Variants in RPS6KC1 observed in about 807,000 individuals in gnomAD.
RPS6KC1 encodes ribosomal protein S6 kinase C1, also known as inactive ribosomal protein S6 kinase delta-1.
A neutral mutation model predicts 103.8 loss-of-function variants in RPS6KC1; 54 were observed. The observed-to-expected ratio is 0.52, with a 90% CI of 0.42 to 0.65. The LOEUF (loss-of-function observed/expected upper bound fraction) is 0.65, where lower values mean the gene tolerates loss of function less well. Among genes scored for constraint, RPS6KC1 ranks in the 30% least tolerant of loss-of-function variants. RPS6KC1 has a pLI of 0.00. For synonymous variants in RPS6KC1, 439 were observed against 438.7 expected (o/e 1.00, Z -0.01); for missense variants, 1,151 against 1,253.8 (o/e 0.92, Z 1.24).
At chr1:213,535,287 A>G in the RPS6KC1 span, among the ~76,000 whole-genome samples, 4 of 152,232 alleles carry the variant, frequency 2.6e-5, no homozygotes, top group Admixed American at 6.5e-5. Flanking sequence ...GAAGGCAAAT[A>G]TTGCCAACCA....
At chr1:213,336,374 A>C in the RPS6KC1 span, among the ~76,000 whole-genome samples, 2 of 152,216 alleles carry the variant, frequency 1.3e-5, no homozygotes, top group Non-Finnish European at 2.9e-5. Flanking sequence ...CCGACATTGC[A>C]CAGGTCCCAA....
the RPS6KC1 span, among the ~76,000 whole-genome samples, chr1:213,294,117 G>C: frequency 0.31 from 46,527 of 152,122 alleles, 7,275 homozygotes; most frequent in Middle Eastern, 0.4. Context: ...CCTTGAGAGA[G>C]TGCTCTGCCT....
At chr1:213,700,514 T>G in the RPS6KC1 span, among the ~76,000 whole-genome samples, 4 of 152,148 alleles carry the variant, frequency 2.6e-5, no homozygotes, top group Non-Finnish European at 5.9e-5. Context: ...TTTGTTTTGC[T>G]TAAGATGACT....
At chr1:213,826,996 G>A in the RPS6KC1 span, among the ~76,000 whole-genome samples, 5 of 152,192 alleles carry the variant, frequency 3.3e-5, no homozygotes, top group South Asian at 2.1e-4. Context: ...TTTCCACTCC[G>A]CAGACTCTTT....
chr1:213,410,318 G>A, the RPS6KC1 span, among the ~76,000 whole-genome samples: 2 of 152,146 alleles, frequency 1.3e-5, no homozygotes, highest in East Asian at 1.9e-4. Flanking sequence ...AGGTGGAAGG[G>A]TCTGCCTCAG....
At chr1:213,472,019 G>A in the RPS6KC1 span, among the ~76,000 whole-genome samples, 2 of 152,234 alleles carry the variant, frequency 1.3e-5, no homozygotes, top group African/African-American at 2.4e-5. Flanking sequence ...GGTCAGCAGC[G>A]GCATCTCAGA....
intron 6 of RPS6KC1, among the ~76,000 whole-genome samples, chr1:213,155,363 A>C (rs918026902): frequency 6.6e-6 from 1 of 152,146 alleles, no homozygotes; most frequent in African/African-American, 2.4e-5. Context: ...AATGCCTTTC[A>C]AATTTACTTG....
At chr1:213,362,253 T>G in the RPS6KC1 span, among the ~76,000 whole-genome samples, 1 of 152,200 alleles carries the variant, frequency 6.6e-6, no homozygotes, top group Non-Finnish European at 1.5e-5. Context: ...ATTTATGCTA[T>G]GCTTGGAAGA....
At chr1:213,177,640 C>T (rs528544555) in intron 8 of RPS6KC1, among the ~76,000 whole-genome samples, 156 of 151,962 alleles carry the variant, frequency 1.0e-3, no homozygotes, top group Non-Finnish European at 2.1e-3. Context: ...TTTTTAAGAG[C>T]CTGAAATATT....
chr1:213,363,604 CGCTTGCTTGCTTGCTT>C, the RPS6KC1 span, among the ~76,000 whole-genome samples: 44 of 85,166 alleles, frequency 5.2e-4, 5 homozygotes, highest in Middle Eastern at 0.012. Flanking sequence ...CTTGCTCGCT[CGCTTGCTTGCTTGCTT>C]GCTTGCTTTC....
rs35374161 is a variant in RPS6KC1 at position 213,140,847 on chromosome 1, AT to A, written c.835+10974del. Among the ~76,000 whole-genome samples the A allele has an allele frequency of 5.6e-3, 740 of 132,490 alleles. 5 individuals carry two copies. Among genetic ancestry groups the A allele is most frequent in the Admixed American group, 0.011 (141 of 12,806 alleles). The allele number at this position is 132,490 out of a possible 152,430, so 86.9% of individuals were successfully genotyped here. A position where few individuals can be genotyped will look rare whatever the true frequency, so the allele number is the denominator to read the frequency against. On this transcript the variant is annotated intron_variant, in intron 6 of 14. Transcript: ENST00000366960. ...CATAGAATGAGGGAGGAATCCCTTG[AT>A]TTTTTTTTTTTTTTTGAATAGTTTC...
the RPS6KC1 span, among the ~76,000 whole-genome samples, chr1:213,491,386 T>A: frequency 1.3e-5 from 2 of 152,160 alleles, no homozygotes; most frequent in African/African-American, 4.8e-5. Context: ...CATTTCTACC[T>A]AAAATCCAAA....
At chr1:213,091,558 G>C (rs2080969484) in intron 3 of RPS6KC1, among the ~76,000 whole-genome samples, 1 of 152,158 alleles carries the variant, frequency 6.6e-6, no homozygotes. Context: ...GCATGAGTTT[G>C]TAACACCATG....
chr1:213,599,241 A>G, the RPS6KC1 span, among the ~76,000 whole-genome samples: 1 of 152,188 alleles, frequency 6.6e-6, no homozygotes, highest in Non-Finnish European at 1.5e-5. Flanking sequence ...GGTGATCAAT[A>G]AGGCAGATAA....
downstream of RPS6KC1, among the ~76,000 whole-genome samples, chr1:213,277,978 T>G (rs1573772157): frequency 6.6e-6 from 1 of 151,582 alleles, no homozygotes; most frequent in Admixed American, 6.6e-5. Context: ...CCAAGGCGGG[T>G]GAATTGATTG....
chr1:213,176,634 C>A, intron 8 of RPS6KC1, 142 bp downstream of exon 8: 1 of 501,336 alleles, frequency 2.0e-6, no homozygotes, highest in Non-Finnish European at 3.5e-6. Context: ...ATAACAAAAG[C>A]AAAAGAGAAA....
the RPS6KC1 span, among the ~76,000 whole-genome samples, chr1:213,293,177 T>A: frequency 6.6e-6 from 1 of 152,248 alleles, no homozygotes; most frequent in African/African-American, 2.4e-5. Flanking sequence ...ATAACTTTCT[T>A]CTGAATTTCT....
chr1:213,690,607 C>T, the RPS6KC1 span, among the ~76,000 whole-genome samples: 1 of 152,130 alleles, frequency 6.6e-6, no homozygotes, highest in Non-Finnish European at 1.5e-5. Context: ...TTGCTGTCTA[C>T]CTTGGTGTTT....
chr1:213,587,238 G>A, the RPS6KC1 span, among the ~76,000 whole-genome samples: 5 of 152,046 alleles, frequency 3.3e-5, no homozygotes, highest in East Asian at 1.9e-4. Flanking sequence ...CTAGATCTGC[G>A]GTGGGGGCCA....
Sources: allele counts gnomAD v4.1 joint callset (sites outside exome capture counted in the v4.1 genomes callset), GRCh38; gene constraint gnomAD v4.1.1; transcripts MANE v1.5; gene names NCBI Gene and HGNC (gene_info 2026-07-23, HGNC 2026-07-21).